The following LCP2 variants were observed in gnomAD, a reference collection of about 807,000 sequenced individuals.
LCP2 encodes the protein 76 kDa tyrosine phosphoprotein.
In LCP2, 29 loss-of-function variants were observed where a neutral mutation model predicts 74.5. That is an observed-to-expected ratio of 0.39 (90% CI 0.29 to 0.53). The LOEUF (loss-of-function observed/expected upper bound fraction) is 0.53, where lower values mean the gene tolerates loss of function less well. Ranked by LOEUF, LCP2 falls within the 20% of genes least tolerant of loss-of-function variation. LCP2 has a pLI of 0.72. For synonymous variants in LCP2, 228 were observed against 229.5 expected, an observed-to-expected ratio of 0.99 and a Z score of 0.06; for missense variants, 604 against 634.6, an observed-to-expected ratio of 0.95 and a Z score of 0.52.
intron 6 of LCP2, chr5:170,274,031 C>T (rs555847268): frequency 3.6e-5 from 18 of 501,458 alleles, no homozygotes; most frequent in African/African-American, 9.7e-5. Flanking sequence ...GGTTTATGGG[C>T]GCAAAGCCAA....
chr5:170,271,202 A>T (rs1214487548), intron 6 of LCP2, among the ~76,000 whole-genome samples: 1 of 152,192 alleles, frequency 6.6e-6, no homozygotes, highest in Non-Finnish European at 1.5e-5. Context: ...AGGATGCTGG[A>T]ATAGAAGGTA....
At chr5:170,273,553 G>A (rs1761932806) in intron 6 of LCP2, among the ~76,000 whole-genome samples, 1 of 152,136 alleles carries the variant, frequency 6.6e-6, no homozygotes, top group African/African-American at 2.4e-5. Flanking sequence ...TGGGTCCTAG[G>A]TCTGCCTCTA....
intron 3 of LCP2, among the ~76,000 whole-genome samples, chr5:170,285,650 T>G (rs762066569): frequency 8.6e-5 from 13 of 151,848 alleles, no homozygotes; most frequent in Non-Finnish European, 1.8e-4. Flanking sequence ...ACCGAATGAC[T>G]ATGTTTTCCA....
intron 10 of LCP2, among the ~76,000 whole-genome samples, chr5:170,265,898 C>T (rs1761746035): frequency 6.6e-6 from 1 of 152,200 alleles, no homozygotes; most frequent in Non-Finnish European, 1.5e-5. Flanking sequence ...AGTTAAAACC[C>T]AGGGTCCTCA....
intron 2 of LCP2, among the ~76,000 whole-genome samples, chr5:170,289,617 T>TTTC (rs1762243700): frequency 7.4e-5 from 9 of 122,228 alleles, no homozygotes; most frequent in African/African-American, 2.9e-4. Context: ...CTTTCTTTCT[T>TTTC]TTTCTTTCTT....
chr5:170,272,592 A>ATCTTCTT (rs1761913008), intron 6 of LCP2, among the ~76,000 whole-genome samples: 1 of 34,312 alleles, frequency 2.9e-5, no homozygotes, highest in African/African-American at 8.9e-5. Context: ...CCCATCAAAT[A>ATCTTCTT]TTTTCTTTTT....
chr5:170,265,694 A>G (rs978750567), intron 10 of LCP2, among the ~76,000 whole-genome samples: 1 of 152,242 alleles, frequency 6.6e-6, no homozygotes, highest in African/African-American at 2.4e-5. Flanking sequence ...AGTTCGGGGA[A>G]AGAGCAGCGA....
intron 1 of LCP2, among the ~76,000 whole-genome samples, chr5:170,294,086 G>C (rs1261501023): frequency 6.6e-6 from 1 of 152,214 alleles, no homozygotes; most frequent in African/African-American, 2.4e-5. Flanking sequence ...CAGACAGCAA[G>C]TAACTTGCAT....
At chr5:170,260,860 C>A (rs879613361) in intron 14 of LCP2, among the ~76,000 whole-genome samples, 4 of 152,170 alleles carry the variant, frequency 2.6e-5, no homozygotes, top group African/African-American at 4.8e-5. Context: ...GGTAATGGAG[C>A]TGCAATTAAG....
intron 10 of LCP2, 26 bp from the exon 11 acceptor site, chr5:170,263,018 C>T: frequency 7.4e-6 from 12 of 1,612,912 alleles, no homozygotes; most frequent in Non-Finnish European, 1.0e-5. Flanking sequence ...AGCAGATGGG[C>T]CATGAGTTCA....
In LCP2 at chr5:170,248,543, T is replaced by C; in HGVS notation, c.*154A>G. ...ATTATGGGATAGTTGACAGTCTTCA[T>C]TTCAAACACTGTTTTTAAAGGAAAG... On this transcript the variant is annotated 3_prime_UTR_variant, in exon 21 of 21. Transcript: ENST00000046794. The C allele has an allele frequency of 1.3e-6, 1 of 767,302 alleles. No homozygotes were observed. The highest frequency in any genetic ancestry group is 2.2e-6 in the Non-Finnish European group (1 of 461,852). The allele number at this position is 767,302 out of a possible 1,614,324, so 47.5% of individuals were successfully genotyped here. A position where few individuals can be genotyped will look rare whatever the true frequency, so the allele number is the denominator to read the frequency against.
rs935833559 is a variant in LCP2 at position 170,296,262 on chromosome 5, C to T, written c.78+1272G>A. Among the ~76,000 whole-genome samples the T allele has an allele frequency of 2.9e-4, 44 of 152,240 alleles. 2 individuals carry two copies. The highest frequency in any genetic ancestry group is 3.4e-3 in the Middle Eastern group (1 of 294). ...TGCTGAAATCTAAGTTTATTATGAC[C>T]TTGCAGAAGGAAAATAACAGAAATG... On this transcript the variant is annotated intron_variant, in intron 1 of 20. Coordinates refer to ENST00000046794, the MANE Select transcript of LCP2 (RefSeq NM_005565.5).
rs932279952 is a variant in LCP2 at position 170,274,869 on chromosome 5, C to T, written c.286+451G>A. On this transcript the variant is annotated intron_variant, in intron 5 of 20. Transcript: ENST00000046794. ...GCGGGTGCCTGTAGTCCCAGCTACT[C>T]GGGAGGCTGAGGCAGGAGAATGGCG... Among the ~76,000 whole-genome samples the T allele has an allele frequency of 2.0e-3, 301 of 151,018 alleles. 4 individuals are homozygous for T. Among genetic ancestry groups the T allele is most frequent in the East Asian group, 9.9e-4 (5 of 5,044 alleles).
intron 3 of LCP2, among the ~76,000 whole-genome samples, chr5:170,283,456 C>T (rs774950361): frequency 5.3e-5 from 8 of 152,152 alleles, no homozygotes; most frequent in Admixed American, 1.3e-4. Context: ...GATTAAATCT[C>T]TTCCATCCCC....
chr5:170,250,553 G>A lies in LCP2; in HGVS notation c.1479+177C>T, dbSNP rs575830590. Among the ~76,000 whole-genome samples, 19 of 152,304 alleles carry A rather than the reference G, an allele frequency of 1.2e-4. No homozygotes were observed. The South Asian group carries it at 3.7e-3, about 30-fold the overall frequency. On this transcript the variant is annotated intron_variant, in intron 20 of 20. Transcript: ENST00000046794. ...ATATACAAGAAAGAATCCTATGGCA[G>A]AAGTAACCATTGTAAAGATTTTGCT... is the stretch of plus-strand genomic sequence containing the variant.
At chr5:170,265,578 G>A (rs1761739174) in intron 10 of LCP2, among the ~76,000 whole-genome samples, 1 of 152,204 alleles carries the variant, frequency 6.6e-6, no homozygotes, top group South Asian at 2.1e-4. Context: ...GGAATCTGAA[G>A]TCAAATCTAT....
chr5:170,282,150 T>G, intron 3 of LCP2, among the ~76,000 whole-genome samples: 1 of 152,180 alleles, frequency 6.6e-6, no homozygotes, highest in East Asian at 1.9e-4. Context: ...GAGAGAGCCT[T>G]CCTTACCACA....
intron 10 of LCP2, among the ~76,000 whole-genome samples, chr5:170,266,033 G>A (rs1017135504): frequency 6.6e-6 from 1 of 152,238 alleles, no homozygotes. Flanking sequence ...TCTGAGAAGT[G>A]AGGTTAAAAA....
At chr5:170,277,611 G>A (rs1371280271) in intron 3 of LCP2, among the ~76,000 whole-genome samples, 1 of 151,880 alleles carries the variant, frequency 6.6e-6, no homozygotes, top group Non-Finnish European at 1.5e-5. Context: ...GTCAGGCATG[G>A]TGCACGCCTG....
Sources: gnomAD v4.1 joint callset for allele counts (sites outside exome capture counted in the v4.1 genomes callset) on GRCh38, gnomAD v4.1.1 for gene constraint, MANE v1.5 for transcripts, NCBI Gene and HGNC (gene_info 2026-07-23, HGNC 2026-07-21) for gene names.